BBS9: variants seen among roughly 807,000 people sequenced by gnomAD.
BBS9 encodes protein PTHB1.
BBS9 carries 89 observed loss-of-function variants against 117.7 expected under a neutral mutation model. That is an observed-to-expected ratio of 0.76 (90% CI 0.64 to 0.90). The LOEUF is 0.90. Among genes scored for constraint, BBS9 ranks in the 40% least tolerant of loss-of-function variants. BBS9 has a pLI of 0.00. For missense variants in BBS9, 982 were observed against 1,042.2 expected (o/e 0.94, Z 0.80); for synonymous variants, 379 against 370.9 (o/e 1.02, Z -0.25).
chr7:33,382,996 G>A (rs1289754270), intron 17 of BBS9, among the ~76,000 whole-genome samples: 1 of 152,170 alleles, frequency 6.6e-6, no homozygotes, highest in Non-Finnish European at 1.5e-5. Flanking sequence ...AATAATAGCT[G>A]TTCTTATCAT....
chr7:33,486,852 A>G (rs1276848107), intron 19 of BBS9, among the ~76,000 whole-genome samples: 2 of 152,188 alleles, frequency 1.3e-5, no homozygotes, highest in Non-Finnish European at 2.9e-5. Context: ...CTAATTCTCT[A>G]CAGCTGCTTC....
At chr7:33,344,747 C>T in intron 12 of BBS9, 113 bp downstream of exon 12, 2 of 1,137,206 alleles carry the variant, frequency 1.8e-6, no homozygotes, top group East Asian at 2.4e-5. Flanking sequence ...AAACACTTGG[C>T]ATTTGTAGAT....
Position 33,565,809 on chromosome 7 carries a change from A to ATATATATG in BBS9, c.2521+31640_2521+31641insGTATATAT, listed in dbSNP as rs1554539683. Among the ~76,000 whole-genome samples the ATATATATG allele has an allele frequency of 1.4e-3, 70 of 49,490 alleles. 1 individual carries two copies. The highest frequency in any genetic ancestry group is 9.0e-3 in the Admixed American group (50 of 5,570). 32.5% of individuals were successfully genotyped at this position (49,490 alleles called of 152,430 possible). On this transcript the variant is annotated intron_variant, in intron 21 of 22. Coordinates refer to ENST00000242067, the MANE Select transcript of BBS9 (RefSeq NM_198428.3). ...TATATATATATATATATATATATATATATATATATATATATATACCGCTAT... is the reference window on the plus strand; with the variant it reads ...TATATATATATATATATATATATATATATATATGTATATATATATATATATACCGCTAT...
chr7:33,216,681 T>C (rs1177910497), intron 5 of BBS9, among the ~76,000 whole-genome samples: 1 of 152,246 alleles, frequency 6.6e-6, no homozygotes, highest in Non-Finnish European at 1.5e-5. Context: ...TTGACCTTAT[T>C]TGATGCTGTA....
intron 5 of BBS9, among the ~76,000 whole-genome samples, chr7:33,235,879 T>C (rs1554361582): frequency 6.6e-6 from 1 of 152,228 alleles, no homozygotes. Context: ...AAACAATCTT[T>C]TTACTTTTCA....
At chr7:33,486,775 G>A (rs555385802) in intron 19 of BBS9, among the ~76,000 whole-genome samples, 1 of 152,318 alleles carries the variant, frequency 6.6e-6, no homozygotes, top group South Asian at 2.1e-4. Flanking sequence ...CAAGCCAGTT[G>A]CTGTTTAGAG....
intron 21 of BBS9, among the ~76,000 whole-genome samples, chr7:33,597,882 A>AC (rs1014499768): frequency 1.3e-5 from 2 of 151,754 alleles, no homozygotes; most frequent in East Asian, 1.9e-4. Flanking sequence ...CAAAAAAAAA[A>AC]AAAAACAAAA....
intron 16 of BBS9, among the ~76,000 whole-genome samples, chr7:33,364,595 G>A (rs2097411782): frequency 6.7e-6 from 1 of 149,298 alleles, no homozygotes; most frequent in Non-Finnish European, 1.5e-5. Context: ...TTCTATTTTT[G>A]ATGTTCTTCC....
chr7:33,235,442 T>C (rs12701289), intron 5 of BBS9, among the ~76,000 whole-genome samples: 22,824 of 152,154 alleles, frequency 0.15, 2,002 homozygotes, highest in South Asian at 0.23. Context: ...GAGTTTTCTT[T>C]TATAAACCTT....
At chr7:33,205,434 CTTCCAT>C (rs1786719942) in intron 5 of BBS9, among the ~76,000 whole-genome samples, 1 of 152,220 alleles carries the variant, frequency 6.6e-6, no homozygotes, top group African/African-American at 2.4e-5. Flanking sequence ...CCCAGGTCAT[CTTCCAT>C]TCCCAGTAAA....
At chr7:33,168,361 C>T (rs1401665375) in intron 4 of BBS9, among the ~76,000 whole-genome samples, 1 of 152,124 alleles carries the variant, frequency 6.6e-6, no homozygotes, top group African/African-American at 2.4e-5. Context: ...AACCTGTACT[C>T]TTTGATAGAG....
intron 20 of BBS9, among the ~76,000 whole-genome samples, chr7:33,527,902 A>G (rs1186868073): frequency 6.6e-6 from 1 of 152,206 alleles, no homozygotes; most frequent in Non-Finnish European, 1.5e-5. Context: ...ATGTTTCCTG[A>G]AAAGGCCCTG....
chr7:33,320,011 G>A (rs992394278), intron 9 of BBS9, among the ~76,000 whole-genome samples: 4 of 152,104 alleles, frequency 2.6e-5, no homozygotes, highest in Non-Finnish European at 4.4e-5. Flanking sequence ...TGGGGTACAG[G>A]AGATGTTTTG....
At chr7:33,414,892 C>T (rs756311674) in intron 19 of BBS9, among the ~76,000 whole-genome samples, 2 of 151,910 alleles carry the variant, frequency 1.3e-5, no homozygotes, top group Non-Finnish European at 2.9e-5. Flanking sequence ...AGTTTACCGT[C>T]GACTATTTGG....
chr7:33,399,474 A>G (rs1381672473), intron 19 of BBS9, among the ~76,000 whole-genome samples: 1 of 152,210 alleles, frequency 6.6e-6, no homozygotes, highest in East Asian at 1.9e-4. Flanking sequence ...GACTTTGGGC[A>G]TATCACGTCA....
At chr7:33,206,355 C>T (rs1022533039) in intron 5 of BBS9, among the ~76,000 whole-genome samples, 2 of 152,156 alleles carry the variant, frequency 1.3e-5, no homozygotes, top group African/African-American at 4.8e-5. Context: ...TTTGTTATAG[C>T]AGCTTGGCCT....
chr7:33,601,982 ACTT>A (rs1339626469), intron 21 of BBS9, among the ~76,000 whole-genome samples: 1 of 152,158 alleles, frequency 6.6e-6, no homozygotes, highest in African/African-American at 2.4e-5. Flanking sequence ...GTGAAGACCT[ACTT>A]CTTGTTATAC....
intron 21 of BBS9, among the ~76,000 whole-genome samples, chr7:33,544,062 C>A (rs1852857952): frequency 6.6e-6 from 1 of 152,020 alleles, no homozygotes; most frequent in African/African-American, 2.4e-5. Flanking sequence ...ATTGTTTTTT[C>A]TTTAAGCTAT....
intron 17 of BBS9, among the ~76,000 whole-genome samples, chr7:33,370,689 G>A (rs887887061): frequency 1.3e-5 from 2 of 152,126 alleles, no homozygotes; most frequent in African/African-American, 4.8e-5. Context: ...GTAAATACGT[G>A]TATATTCTTA....
Sources: allele counts gnomAD v4.1 joint callset (sites outside exome capture counted in the v4.1 genomes callset), GRCh38; gene constraint gnomAD v4.1.1; transcripts MANE v1.5; gene names NCBI Gene and HGNC (gene_info 2026-07-23, HGNC 2026-07-21).